EIF3A: variants seen among roughly 807,000 people sequenced by gnomAD.
EIF3A encodes the protein eukaryotic translation initiation factor 3 subunit A, also known as EIF3, p180 subunit.
Under a neutral mutation model 186.6 loss-of-function variants are expected in EIF3A, and 21 were observed. The ratio of observed to expected loss-of-function variants is 0.11; its 90% CI spans 0.08 to 0.16. The LOEUF is 0.16. Ranked by LOEUF, EIF3A falls within the 10% of genes least tolerant of loss-of-function variation. EIF3A has a pLI of 1.00. For synonymous variants in EIF3A, 563 were observed against 584.3 expected (o/e 0.96, Z 0.52); for missense variants, 1,306 against 1,796.3 (o/e 0.73, Z 4.93).
chr10:119,035,960 G>A lies in EIF3A; in HGVS notation c.*79C>T, dbSNP rs1589682389. The A allele has an allele frequency of 9.3e-7, 1 of 1,069,692 alleles. No homozygotes were observed. The highest frequency in any genetic ancestry group is 2.4e-5 in the East Asian group (1 of 41,768). The allele number at this position is 1,069,692 out of a possible 1,614,324, so 66.3% of individuals were successfully genotyped here. On this transcript the variant is annotated 3_prime_UTR_variant, in exon 22 of 22. Coordinates refer to ENST00000369144, the MANE Select transcript of EIF3A (RefSeq NM_003750.4). ...AACATTAAAGAATCCAATTTAGATT[G>A]GTTGAAGCACAAGTATAATAATCCT...
chr10:119,070,029 T>C (rs1414198422), intron 5 of EIF3A, among the ~76,000 whole-genome samples: 1 of 152,052 alleles, frequency 6.6e-6, no homozygotes, highest in Non-Finnish European at 1.5e-5. Flanking sequence ...TTTTTTTCTA[T>C]AATGGGCATG....
At chr10:119,054,074 C>T (rs1481537179) in intron 14 of EIF3A, among the ~76,000 whole-genome samples, 1 of 152,128 alleles carries the variant, frequency 6.6e-6, no homozygotes, top group Non-Finnish European at 1.5e-5. Flanking sequence ...GCATCTGCCA[C>T]CACGCCCAGC....
rs113193938 is a variant in EIF3A, at chr10:119,037,063, C to T, written c.3919+56G>A. ...TGATATAATTAAATAACCCAAATCC[C>T]CCCCCCCCCAGAAACGACAGTTCTC... On this transcript the variant is annotated intron_variant, in intron 21 of 21. Transcript: ENST00000369144. 1.6e-5 allele frequency: 10 copies of T among 628,128 alleles called. 1 individual carries two copies. Among genetic ancestry groups the T allele is most frequent in the South Asian group, 2.4e-5 (1 of 42,290 alleles). The allele number at this position is 628,128 out of a possible 1,614,324, so 38.9% of individuals were successfully genotyped here. A position where few individuals can be genotyped will look rare whatever the true frequency, so the allele number is the denominator to read the frequency against.
chr10:119,042,171 G>C lies in EIF3A; in HGVS notation c.3349C>G (p.Arg1117Gly), dbSNP rs567901745. 3.1e-6 allele frequency: 5 copies of C among 1,613,156 alleles called. No individual in the cohort carries two copies. In the Middle Eastern group the frequency reaches 5.0e-4, roughly 160 times the overall value. Residue 1117 changes from arginine to glycine, a missense_variant, in exon 19 of 22, where the codon CGA becomes GGA. Physicochemically the swap from Arg to Gly is moderately radical, Grantham distance 125. Coordinates refer to ENST00000369144, the MANE Select transcript of EIF3A (RefSeq NM_003750.4). This position sits in a 1 kb window ranked among gnomAD's most constrained non-coding sequence, Gnocchi z 7.8. Reference sequence around the variant, plus strand: ...TCATCGGCGTTCCTCCAAGGTCCTCGATCATCATCCAACCCTCGCCTGGGA... The same window carrying C: ...TCATCGGCGTTCCTCCAAGGTCCTCCATCATCATCCAACCCTCGCCTGGGA... The part of the protein sequence containing the change: ...RGPRRGLDDD[R>G]GPWRNADDDR...
At chr10:119,054,713 G>A (rs1223036879) in intron 14 of EIF3A, among the ~76,000 whole-genome samples, 2 of 126,492 alleles carry the variant, frequency 1.6e-5, no homozygotes, top group Non-Finnish European at 1.7e-5. Context: ...GGCAACAACG[G>A]CGAAACTCCA....
At position 119,062,709 on chromosome 10, in the gene EIF3A, T is replaced by G. The variant is rs557207016; in HGVS notation, c.1123-1381A>C. Among the ~76,000 whole-genome samples, 3 of 151,740 alleles carry G rather than the reference T, an allele frequency of 2.0e-5. No homozygotes were observed. The East Asian group carries it at 5.8e-4, about 29-fold the overall frequency. ...TGTCTTTCGCTTCTGGGACAACATA[T>G]TGCAGTATATTAAATCTAAGTCTAA... On this transcript the variant is annotated intron_variant, in intron 7 of 21. Coordinates refer to ENST00000369144, the MANE Select transcript of EIF3A (RefSeq NM_003750.4).
chr10:119,059,856 C>A, intron 9 of EIF3A, 138 bp from the exon 10 acceptor site: 35 of 659,374 alleles, frequency 5.3e-5, no homozygotes, highest in Non-Finnish European at 6.1e-5. Context: ...AGCCAGAATG[C>A]TAATCCCAGA....
At chr10:119,056,337 G>A (rs1843783243) in intron 14 of EIF3A, among the ~76,000 whole-genome samples, 1 of 152,180 alleles carries the variant, frequency 6.6e-6, no homozygotes, top group African/African-American at 2.4e-5. Context: ...CGGTTGCCTA[G>A]GGCTGGGGTG....
chr10:119,068,003 GT>G (rs1473761841), intron 6 of EIF3A, among the ~76,000 whole-genome samples: 1 of 152,134 alleles, frequency 6.6e-6, no homozygotes, highest in Non-Finnish European at 1.5e-5. Context: ...TAGAGACGGG[GT>G]TTTGCCATGT....
At chr10:119,074,024 C>A in intron 1 of EIF3A, 87 bp from the exon 2 acceptor site, 1 of 1,109,808 alleles carries the variant, frequency 9.0e-7, no homozygotes, top group Non-Finnish European at 1.2e-6. Context: ...TTCAATTCCC[C>A]AACTCATTAC....
Position 119,056,736 on chromosome 10 carries a change from T to C in EIF3A, c.2196+4A>G. 1 of 1,552,070 alleles carries C rather than the reference T, an allele frequency of 6.4e-7. No homozygotes were observed. The stretch of plus-strand genomic sequence containing the variant: ...AAAATATTACAATTAAATAAAAAAC[T>C]TACTCTTTCTTCCTCTTGTTGCTCC... On this transcript the variant is annotated splice_donor_region_variant and intron_variant, in intron 14 of 21. Transcript: ENST00000369144.
intron 17 of EIF3A, among the ~76,000 whole-genome samples, chr10:119,046,386 C>G (rs1848282785): frequency 6.6e-6 from 1 of 152,138 alleles, no homozygotes; most frequent in Non-Finnish European, 1.5e-5. Context: ...ATTCTGAAAA[C>G]TACTGATCAA....
At chr10:119,048,183 C>T (rs1564751091) in intron 17 of EIF3A, among the ~76,000 whole-genome samples, 3 of 138,606 alleles carry the variant, frequency 2.2e-5, no homozygotes, top group African/African-American at 9.3e-5. Context: ...TGAAATCCAA[C>T]AGCAGGCACA....
chr10:119,061,126 T>C (rs528089260), intron 8 of EIF3A, 98 bp downstream of exon 8: 6 of 642,228 alleles, frequency 9.3e-6, no homozygotes, highest in African/African-American at 1.9e-5. Context: ...TTCCAACACA[T>C]AGGACAAAAC....
chr10:119,076,149 G>A (rs556484353), intron 1 of EIF3A, among the ~76,000 whole-genome samples: 3 of 150,994 alleles, frequency 2.0e-5, no homozygotes, highest in South Asian at 2.1e-4. Flanking sequence ...TGGCTAACAC[G>A]GTGAAACCTC....
At chr10:119,044,015 A>G (rs377638403) in intron 18 of EIF3A, 39 bp downstream of exon 18, 63 of 1,405,156 alleles carry the variant, frequency 4.5e-5, no homozygotes, top group Non-Finnish European at 4.0e-5. Flanking sequence ...AGATATTAAC[A>G]GGAACTGGAG....
chr10:119,049,729 G>C, intron 17 of EIF3A, 72 bp downstream of exon 17: 1 of 1,379,128 alleles, frequency 7.3e-7, no homozygotes, highest in South Asian at 1.3e-5. Context: ...GGGCGACAGA[G>C]CAAGACTGTG....
At chr10:119,059,823 TTA>T (rs1244233835) in intron 9 of EIF3A, 105 bp from the exon 10 acceptor site, 2 of 797,508 alleles carry the variant, frequency 2.5e-6, no homozygotes, top group East Asian at 2.4e-5. Context: ...GCCAGAGAAT[TTA>T]TGTTAGCAGT....
rs936094893 is a variant in EIF3A at position 119,080,805 on chromosome 10, A to G, written c.-129T>C. 48 of 1,424,646 alleles carry G rather than the reference A, an allele frequency of 3.4e-5. No individual in the cohort carries two copies. The highest frequency in any genetic ancestry group is 4.8e-4 in the Middle Eastern group (2 of 4,208). The allele number at this position is 1,424,646 out of a possible 1,614,324, so 88.3% of individuals were successfully genotyped here. On this transcript the variant is annotated 5_prime_UTR_variant, in exon 1 of 22. Coordinates refer to ENST00000369144, the MANE Select transcript of EIF3A (RefSeq NM_003750.4). ...AGCAGTCGCCCGCGCCCAGCCGGCC[A>G]GAGACGGAAAGGAAGGAGCCACGTG...
Sources: gnomAD v4.1 joint callset for allele counts (sites outside exome capture counted in the v4.1 genomes callset) on GRCh38, gnomAD v4.1.1 for gene constraint, Gnocchi (gnomAD v3.1) non-coding constraint, MANE v1.5 for transcripts, NCBI Gene and HGNC (gene_info 2026-07-23, HGNC 2026-07-21) for gene names.